Variants in SEC14L6 observed in about 807,000 individuals in gnomAD.
SEC14L6 encodes the protein SEC14 like lipid binding 6.
Under a neutral mutation model 54.1 loss-of-function variants are expected in SEC14L6, and 40 were observed. That is an observed-to-expected ratio of 0.74 (90% CI 0.57 to 0.96). The LOEUF (loss-of-function observed/expected upper bound fraction) is 0.96, where lower values mean the gene tolerates loss of function less well. Ranked by LOEUF, SEC14L6 falls within the 40% of genes least tolerant of loss-of-function variation. SEC14L6 has a pLI of 0.00. For missense variants in SEC14L6, 471 were observed against 498.3 expected, an observed-to-expected ratio of 0.95 and a Z score of 0.52; for synonymous variants, 171 against 198.4, an observed-to-expected ratio of 0.86 and a Z score of 1.16.
In SEC14L6 at chr22:30,524,031, CA is replaced by C. The variant is rs1400115953; in HGVS notation, c.*965del. 2.6e-5 allele frequency: 4 copies of C among 152,334 alleles called. No homozygotes were observed. The highest frequency in any genetic ancestry group is 9.6e-5 in the African/African-American group (4 of 41,556). The allele number at this position is 152,334 out of a possible 1,614,324, so 9.4% of individuals were successfully genotyped here. A position where few individuals can be genotyped will look rare whatever the true frequency, so the allele number is the denominator to read the frequency against. ...GATTCTCACACTCCAGGCCACTATC[CA>C]CCTGCTGTAATCACCCCAGGGCAAG... On this transcript the variant is annotated 3_prime_UTR_variant, in exon 12 of 12. Transcript: ENST00000402034.
At chr22:30,541,664 G>GA (rs764914046) in intron 1 of SEC14L6, among the ~76,000 whole-genome samples, 5,234 of 141,270 alleles carry the variant, frequency 0.037, 127 homozygotes, top group Middle Eastern at 0.083. Flanking sequence ...TCTCAAAAAA[G>GA]AAAAAAAAAA....
At chr22:30,526,174 GC>G (rs1168176243) in intron 8 of SEC14L6, among the ~76,000 whole-genome samples, 1 of 152,190 alleles carries the variant, frequency 6.6e-6, no homozygotes, top group Non-Finnish European at 1.5e-5. Context: ...CTCTCTTACT[GC>G]CCCTGCAGGC....
intron 2 of SEC14L6, 69 bp from the exon 3 acceptor site, chr22:30,534,108 G>C (rs1350873598): frequency 6.9e-7 from 1 of 1,455,368 alleles, no homozygotes; most frequent in East Asian, 2.5e-5. Context: ...GAGAGACAAC[G>C]GCCCTGCCCC....
At chr22:30,542,207 C>A (rs1368130029) in intron 1 of SEC14L6, among the ~76,000 whole-genome samples, 2 of 152,184 alleles carry the variant, frequency 1.3e-5, no homozygotes, top group Non-Finnish European at 2.9e-5. Context: ...CTGAAAGGAT[C>A]GGTCCCCTCC....
chr22:30,530,184 G>A (rs1437250168), intron 6 of SEC14L6, among the ~76,000 whole-genome samples: 1 of 151,948 alleles, frequency 6.6e-6, no homozygotes, highest in Non-Finnish European at 1.5e-5. Flanking sequence ...GGCCAAAGTG[G>A]GAGGATCATG....
chr22:30,542,785 G>C (rs2085747713), intron 1 of SEC14L6: 1 of 1,594,010 alleles, frequency 6.3e-7, no homozygotes, highest in Admixed American at 1.7e-5. Context: ...GTTCAGAGGA[G>C]CTGGACCAGG....
chr22:30,542,712 T>G, intron 1 of SEC14L6: 2 of 1,569,700 alleles, frequency 1.3e-6, no homozygotes, highest in Non-Finnish European at 1.7e-6. Context: ...CAGTTGCAGC[T>G]GGAGAGTCGG....
chr22:30,543,917 A>G, intron 1 of SEC14L6: 1 of 1,604,728 alleles, frequency 6.2e-7, no homozygotes, highest in Admixed American at 1.7e-5. Context: ...CCCAACAACC[A>G]CACAGAGTAT....
rs773204934 is a variant in SEC14L6, at chr22:30,534,415, T to A, written c.131-376A>T. On this transcript the variant is annotated intron_variant, in intron 2 of 11. Transcript: ENST00000402034. ...CTCTTTAATTTTTACTTAAAAAAAA[T>A]TTTTTTTTTTTTTTGAGAAGGAGTC... Among the ~76,000 whole-genome samples, 232 of 31,860 alleles carry A rather than the reference T, an allele frequency of 7.3e-3. 1 individual carries two copies. Among genetic ancestry groups the A allele is most frequent in the Middle Eastern group, 0.022 (1 of 46 alleles). 20.9% of individuals were successfully genotyped at this position (31,860 alleles called of 152,430 possible).
chr22:30,529,254 C>T, intron 7 of SEC14L6, 35 bp downstream of exon 7: 3 of 1,547,992 alleles, frequency 1.9e-6, no homozygotes, highest in Non-Finnish European at 2.6e-6. Flanking sequence ...CCCCTGTCCC[C>T]CCAACTCATG....
chr22:30,542,700 A>G, intron 1 of SEC14L6: 2 of 1,558,774 alleles, frequency 1.3e-6, no homozygotes, highest in Non-Finnish European at 1.8e-6. Flanking sequence ...AGAAGTCTGT[A>G]TCAGTTGCAG....
At chr22:30,526,646 C>T (rs1438356105) in intron 8 of SEC14L6, among the ~76,000 whole-genome samples, 2 of 152,162 alleles carry the variant, frequency 1.3e-5, no homozygotes, top group Non-Finnish European at 2.9e-5. Flanking sequence ...GGGAGAATTG[C>T]TTGAGCCCGG....
intron 1 of SEC14L6, among the ~76,000 whole-genome samples, chr22:30,545,683 C>T (rs1429311842): frequency 6.6e-6 from 1 of 152,202 alleles, no homozygotes; most frequent in Non-Finnish European, 1.5e-5. Flanking sequence ...ATCCTCCCGC[C>T]TCAAAGTGCG....
chr22:30,533,133 C>T, intron 3 of SEC14L6: 1 of 985,366 alleles, frequency 1.0e-6, no homozygotes, highest in Non-Finnish European at 1.2e-6. Context: ...CCCATGCCCC[C>T]TCCCGCATGG....
At chr22:30,542,881 T>C in intron 1 of SEC14L6, 1 of 1,600,628 alleles carries the variant, frequency 6.2e-7, no homozygotes, top group African/African-American at 1.3e-5. Flanking sequence ...CAACATGGAC[T>C]TTTCCATCTG....
Position 30,534,368 on chromosome 22 carries a change from T to C in SEC14L6, c.131-329A>G, listed in dbSNP as rs190043732. Among the ~76,000 whole-genome samples, 864 of 152,254 alleles carry C rather than the reference T, an allele frequency of 5.7e-3. 8 individuals are homozygous for C. The highest frequency in any genetic ancestry group is 0.027 in the Middle Eastern group (8 of 294). On this transcript the variant is annotated intron_variant, in intron 2 of 11. Transcript: ENST00000402034. ...TTTAAATCAGCAGATCACAAACATT[T>C]TGGCCTCAGGAGCCCTTAATACTCT...
At chr22:30,542,671 C>G (rs149334556) in intron 1 of SEC14L6, 28,836 of 1,514,746 alleles carry the variant, frequency 0.019, 389 homozygotes, top group Middle Eastern at 0.053. Flanking sequence ...TGAGGAGGAG[C>G]TGCAGGTGAT....
Position 30,525,711 on chromosome 22 carries a change from A to C in SEC14L6, c.811T>G (p.Cys271Gly), listed in dbSNP as rs1241569922. ...GGEVPKSYYL[C>G]KQVRLQYEHT... ...TCATACTGCAGCCTCACCTGCTTGCACAGGTAGTAGCTCTTGGGCACCTCA... is the reference window on the plus strand; with the variant it reads ...TCATACTGCAGCCTCACCTGCTTGCCCAGGTAGTAGCTCTTGGGCACCTCA... Residue 271 changes from cysteine to glycine, a missense_variant, in exon 10 of 12, where the codon TGC becomes GGC. Coordinates refer to ENST00000402034, the MANE Select transcript of SEC14L6 (RefSeq NM_001193336.4). The C allele has an allele frequency of 5.0e-6, 8 of 1,613,884 alleles. No individual in the cohort carries two copies. Among genetic ancestry groups the C allele is most frequent in the Non-Finnish European group, 6.8e-6 (8 of 1,179,964 alleles).
rs936968869 is a variant in SEC14L6 at position 30,532,809 on chromosome 22, C to T, written c.222G>A (p.Trp74Ter). The T allele has an allele frequency of 6.2e-7, 1 of 1,613,328 alleles. No homozygotes were observed. Among genetic ancestry groups the T allele is most frequent in the African/African-American group, 1.3e-5 (1 of 74,902 alleles). ...GAGAGATGCTCACCTCTGGGGGCTG[C>T]CAGGCAAGGATGTTGGCCAGGTCTT... Reference protein sequence around the residue: ...KQQDLANILAWQPPEVVRLYN... With the variant: ...KQQDLANILA Residue 74 changes from tryptophan to a stop codon, truncating the protein, a stop_gained, in exon 4 of 12, where the codon TGG becomes TGA. Transcript: ENST00000402034. LOFTEE classifies it high-confidence loss of function.
Sources: gnomAD v4.1 joint callset for allele counts (sites outside exome capture counted in the v4.1 genomes callset) on GRCh38, gnomAD v4.1.1 for gene constraint, MANE v1.5 for transcripts, NCBI Gene and HGNC (gene_info 2026-07-23, HGNC 2026-07-21) for gene names.